Variants in TTC28 observed in about 807,000 individuals in gnomAD.
TTC28 encodes the protein tetratricopeptide repeat protein 28.
TTC28 carries 61 observed loss-of-function variants against 198.0 expected under a neutral mutation model. That is an observed-to-expected ratio of 0.31 (90% confidence interval 0.25 to 0.38). TTC28 has a LOEUF of 0.38. TTC28 is among the 10% of genes least tolerant of loss of function. The pLI is 1.00. For synonymous variants in TTC28, 1,171 were observed against 1,297.8 expected, an observed-to-expected ratio of 0.90 and a Z score of 2.10; for missense variants, 2,678 against 3,164.0, an observed-to-expected ratio of 0.85 and a Z score of 3.69.
intron 1 of TTC28, among the ~76,000 whole-genome samples, chr22:28,671,159 G>C (rs1399161509): frequency 6.6e-6 from 1 of 151,884 alleles, no homozygotes; most frequent in Admixed American, 6.6e-5. Flanking sequence ...TGCCCAGGCT[G>C]ATCTCAAACT....
chr22:28,617,730 G>A (rs2146173655), intron 2 of TTC28, among the ~76,000 whole-genome samples: 1 of 152,206 alleles, frequency 6.6e-6, no homozygotes, highest in South Asian at 2.1e-4. Flanking sequence ...ATTCTCTTAC[G>A]GTTCTTGGAA....
chr22:28,548,621 G>T (rs1273246628), intron 2 of TTC28, among the ~76,000 whole-genome samples: 1 of 152,232 alleles, frequency 6.6e-6, no homozygotes, highest in African/African-American at 2.4e-5. Context: ...GTGCCAGGCA[G>T]GCTCCTGGCA....
chr22:28,535,548 T>A (rs537595021), intron 2 of TTC28, among the ~76,000 whole-genome samples: 1 of 152,340 alleles, frequency 6.6e-6, no homozygotes, highest in South Asian at 2.1e-4. Context: ...CCATTATACA[T>A]ATATACCACA....
intron 2 of TTC28, among the ~76,000 whole-genome samples, chr22:28,566,021 T>C (rs1037976735): frequency 2.6e-5 from 4 of 152,150 alleles, no homozygotes; most frequent in Non-Finnish European, 5.9e-5. Flanking sequence ...GACCATCATG[T>C]AGGATGGTCC....
At chr22:28,336,616 T>C (rs2045724356) in intron 2 of TTC28, among the ~76,000 whole-genome samples, 1 of 152,174 alleles carries the variant, frequency 6.6e-6, no homozygotes, top group Non-Finnish European at 1.5e-5. Flanking sequence ...ATTTTCTAGT[T>C]TATTTGCGTA....
intron 2 of TTC28, among the ~76,000 whole-genome samples, chr22:28,461,437 G>GTT (rs879630145): frequency 1.4e-5 from 2 of 146,648 alleles, no homozygotes; most frequent in Non-Finnish European, 1.5e-5. Flanking sequence ...TCTTTCTTCA[G>GTT]TTTTTTTTTT....
At position 28,257,673 on chromosome 22, in the gene TTC28, GAACT is replaced by G. The variant is rs1931025563; in HGVS notation, c.933+38521_933+38524del. Reference sequence around the variant, plus strand: ...GAATATAAATATATTTATTACCACTGAACTAACTGTATACTTAAAAATGGTAAAG... The same window carrying G: ...GAATATAAATATATTTATTACCACTGAACTGTATACTTAAAAATGGTAAAG... On this transcript the variant is annotated intron_variant, in intron 5 of 22. Transcript: ENST00000397906. 2.1e-5 allele frequency among the ~76,000 whole-genome samples: 3 copies of G among 140,796 alleles called. No individual in the cohort carries two copies. In the South Asian group the frequency reaches 6.6e-4, roughly 31 times the overall value. The allele number at this position is 140,796 out of a possible 152,430, so 92.4% of individuals were successfully genotyped here.
chr22:28,155,357 T>C (rs1368419969), intron 6 of TTC28, among the ~76,000 whole-genome samples: 1 of 152,200 alleles, frequency 6.6e-6, no homozygotes, highest in Non-Finnish European at 1.5e-5. Context: ...ACAAATATTT[T>C]TGTGTAAGGA....
intron 2 of TTC28, among the ~76,000 whole-genome samples, chr22:28,388,887 G>T (rs1370465789): frequency 6.6e-6 from 1 of 152,162 alleles, no homozygotes; most frequent in African/African-American, 2.4e-5. Context: ...TGTTGACTAG[G>T]AGTGGTGAGA....
At chr22:28,277,002 A>G (rs2145723944) in intron 5 of TTC28, among the ~76,000 whole-genome samples, 1 of 152,304 alleles carries the variant, frequency 6.6e-6, no homozygotes, top group East Asian at 1.9e-4. Flanking sequence ...AGTAAAATTT[A>G]GACTCAATTA....
At chr22:28,496,444 A>G (rs2048456636) in intron 2 of TTC28, among the ~76,000 whole-genome samples, 1 of 152,080 alleles carries the variant, frequency 6.6e-6, no homozygotes, top group African/African-American at 2.4e-5. Flanking sequence ...TATTCATGCC[A>G]AAAACCTTGG....
At chr22:28,586,922 T>C (rs2050329179) in intron 2 of TTC28, among the ~76,000 whole-genome samples, 1 of 152,150 alleles carries the variant, frequency 6.6e-6, no homozygotes, top group Admixed American at 6.5e-5. Context: ...AAACTAAATG[T>C]GATTAATAAT....
intron 2 of TTC28, among the ~76,000 whole-genome samples, chr22:28,508,396 A>AT (rs1322443428): frequency 6.6e-6 from 1 of 152,090 alleles, no homozygotes; most frequent in Non-Finnish European, 1.5e-5. Flanking sequence ...AGCTTCCCCT[A>AT]TCTCAGCCTC....
intron 2 of TTC28, among the ~76,000 whole-genome samples, chr22:28,481,070 C>G (rs1454546532): frequency 6.6e-6 from 1 of 152,178 alleles, no homozygotes; most frequent in African/African-American, 2.4e-5. Context: ...GCCTTAACTA[C>G]TATGCTATTC....
At chr22:28,207,445 GA>G (rs903115917) in intron 5 of TTC28, among the ~76,000 whole-genome samples, 2 of 151,868 alleles carry the variant, frequency 1.3e-5, no homozygotes, top group African/African-American at 4.8e-5. Context: ...ATGTAGAAAT[GA>G]ATCATGGCTC....
intron 1 of TTC28, among the ~76,000 whole-genome samples, chr22:28,633,943 C>G (rs1434762872): frequency 6.6e-6 from 1 of 151,864 alleles, no homozygotes; most frequent in African/African-American, 2.4e-5. Context: ...AGAAATTGCT[C>G]GAAACACTGA....
chr22:28,247,686 T>C (rs1601527878), intron 5 of TTC28, among the ~76,000 whole-genome samples: 1 of 152,138 alleles, frequency 6.6e-6, no homozygotes, highest in Non-Finnish European at 1.5e-5. Context: ...CTAACTCTTA[T>C]AGAATGAGAA....
chr22:28,202,537 CAAA>C (rs998861083), intron 5 of TTC28, among the ~76,000 whole-genome samples: 1 of 110,716 alleles, frequency 9.0e-6, no homozygotes, highest in Non-Finnish European at 1.9e-5. Flanking sequence ...GACTCTGTCT[CAAA>C]AAAAAAAAAA....
intron 2 of TTC28, among the ~76,000 whole-genome samples, chr22:28,482,248 C>G (rs1455156854): frequency 8.5e-6 from 1 of 117,796 alleles, no homozygotes. Context: ...CGGAGTCTCT[C>G]TCTCCCAGTG....
Sources: allele counts gnomAD v4.1 joint callset (sites outside exome capture counted in the v4.1 genomes callset), GRCh38; gene constraint gnomAD v4.1.1; transcripts MANE v1.5; gene names NCBI Gene and HGNC (gene_info 2026-07-23, HGNC 2026-07-21).